The following PLCE1 variants were observed in gnomAD, a reference collection of about 807,000 sequenced individuals.
PLCE1 encodes 1-phosphatidylinositol 4,5-bisphosphate phosphodiesterase epsilon-1.
Under a neutral mutation model 242.8 loss-of-function variants are expected in PLCE1, and 119 were observed. The ratio of observed to expected loss-of-function variants is 0.49; its 90% CI spans 0.42 to 0.57. The LOEUF (loss-of-function observed/expected upper bound fraction) is 0.57, where lower values mean the gene tolerates loss of function less well. Ranked by LOEUF, PLCE1 falls within the 20% of genes least tolerant of loss-of-function variation. The pLI, the probability that PLCE1 is intolerant of heterozygous loss-of-function variation, is 0.00. For synonymous variants in PLCE1, 945 were observed against 1,017.4 expected (o/e 0.93, Z 1.35); for missense variants, 2,441 against 2,788.8 (o/e 0.88, Z 2.81).
chr10:94,236,870 C>T (rs1319289458), intron 7 of PLCE1, among the ~76,000 whole-genome samples: 6 of 152,058 alleles, frequency 3.9e-5, no homozygotes, highest in South Asian at 2.1e-4. Flanking sequence ...CTCTCTCTCT[C>T]GGCATCTATG....
intron 2 of PLCE1, among the ~76,000 whole-genome samples, chr10:94,060,159 C>T (rs117680484): frequency 9.9e-5 from 15 of 151,502 alleles, no homozygotes; most frequent in Non-Finnish European, 2.1e-4. Context: ...TTGCTACATG[C>T]TGGTCTTGGT....
At chr10:94,222,457 T>A (rs892864467) in intron 4 of PLCE1, among the ~76,000 whole-genome samples, 1 of 152,202 alleles carries the variant, frequency 6.6e-6, no homozygotes, top group Non-Finnish European at 1.5e-5. Flanking sequence ...GCATAGCAGA[T>A]CCAGCATCTG....
At chr10:94,271,337 T>C (rs2051726463) in intron 18 of PLCE1, among the ~76,000 whole-genome samples, 1 of 126,640 alleles carries the variant, frequency 7.9e-6, no homozygotes, top group Non-Finnish European at 1.6e-5. Flanking sequence ...TTTTTTGCGA[T>C]GGAGTCTCGC....
intron 2 of PLCE1, among the ~76,000 whole-genome samples, chr10:94,066,819 TATCTC>T (rs903915632): frequency 2.0e-5 from 3 of 152,158 alleles, no homozygotes; most frequent in Non-Finnish European, 4.4e-5. Flanking sequence ...CATGGTTTGT[TATCTC>T]AGCTCCACCA....
intron 4 of PLCE1, among the ~76,000 whole-genome samples, chr10:94,180,232 A>G (rs1355982794): frequency 6.6e-6 from 1 of 152,190 alleles, no homozygotes; most frequent in East Asian, 1.9e-4. Context: ...AATAGGATTC[A>G]GAATTTTTTT....
At chr10:94,002,121 A>T (rs2060942988) in intron 1 of PLCE1, among the ~76,000 whole-genome samples, 1 of 152,094 alleles carries the variant, frequency 6.6e-6, no homozygotes, top group South Asian at 2.1e-4. Flanking sequence ...AAAAAAAAAA[A>T]GCTCAATTAT....
At chr10:94,002,276 C>G (rs894321664) in intron 1 of PLCE1, among the ~76,000 whole-genome samples, 55 of 152,326 alleles carry the variant, frequency 3.6e-4, no homozygotes, top group African/African-American at 1.3e-3. Flanking sequence ...TCCCATGACA[C>G]TCTTGGATAG....
rs554023995 is a variant in PLCE1, at chr10:94,273,621, T to C, written c.4566T>C (p.Asp1522=). Reference sequence around the variant, plus strand: ...TATTTGAGACTGATTTCTCAGATGATCCAATGCTTCCTTCACCTGACCAAC... The same window carrying C: ...TATTTGAGACTGATTTCTCAGATGACCCAATGCTTCCTTCACCTGACCAAC... ...KFLFETDFSD[D]PMLPSPDQLR... Residue 1522 remains aspartate (D), a synonymous_variant, in exon 19 of 33, where the codon GAT becomes GAC. Coordinates refer to ENST00000371380, the MANE Select transcript of PLCE1 (RefSeq NM_016341.4). The C allele has an allele frequency of 1.9e-6, 3 of 1,613,486 alleles. No homozygotes were observed. In the South Asian group the frequency reaches 3.3e-5, roughly 18 times the overall value.
chr10:94,077,425 A>G (rs547680084), intron 2 of PLCE1, among the ~76,000 whole-genome samples: 2 of 152,216 alleles, frequency 1.3e-5, no homozygotes, highest in East Asian at 1.9e-4. Flanking sequence ...ACTGAATTCT[A>G]TAGTGTGAAT....
rs1482194559 is a variant in PLCE1 at position 94,325,014 on chromosome 10, C to A, written c.6843C>A (p.Ile2281=). 6 of 1,614,002 alleles carry A rather than the reference C, an allele frequency of 3.7e-6. No homozygotes were observed. The highest frequency in any genetic ancestry group is 1.1e-5 in the South Asian group (1 of 91,080). Residue 2281 remains isoleucine (I), a synonymous_variant, in exon 32 of 33, where the codon ATC becomes ATA. Coordinates refer to ENST00000371380, the MANE Select transcript of PLCE1 (RefSeq NM_016341.4). ...CTCAGCTCTTGACCTCAGAAAGTAT[C>A]CAAACCAAGGAGGAGAAACCTGTGG... The part of the protein sequence containing the change: ...SPSQLLTSES[I]QTKEEKPVGG...
At chr10:94,282,319 A>C (rs1325736842) in intron 20 of PLCE1, among the ~76,000 whole-genome samples, 4 of 152,052 alleles carry the variant, frequency 2.6e-5, no homozygotes, top group Non-Finnish European at 4.4e-5. Context: ...TATTTATCTG[A>C]GAAATTGTAA....
At chr10:94,282,764 C>T (rs1330985212) in intron 20 of PLCE1, among the ~76,000 whole-genome samples, 1 of 152,120 alleles carries the variant, frequency 6.6e-6, no homozygotes, top group African/African-American at 2.4e-5. Flanking sequence ...CCTTCCTTTA[C>T]CCCTTTCTGA....
At chr10:94,096,172 A>C (rs2045301033) in intron 2 of PLCE1, among the ~76,000 whole-genome samples, 1 of 152,182 alleles carries the variant, frequency 6.6e-6, no homozygotes. Context: ...AAGATTCCAG[A>C]ACCAGGATTT....
At chr10:94,145,548 G>A (rs917218196) in intron 3 of PLCE1, among the ~76,000 whole-genome samples, 4 of 152,110 alleles carry the variant, frequency 2.6e-5, no homozygotes, top group African/African-American at 9.7e-5. Context: ...TGGGAATCTT[G>A]CATTAAAATG....
At chr10:94,167,938 C>T (rs943247816) in intron 3 of PLCE1, among the ~76,000 whole-genome samples, 5 of 152,114 alleles carry the variant, frequency 3.3e-5, no homozygotes, top group Non-Finnish European at 7.4e-5. Context: ...CCGCCAGCCT[C>T]GGCCTCCCAA....
intron 4 of PLCE1, among the ~76,000 whole-genome samples, chr10:94,186,590 A>G (rs1420609917): frequency 1.3e-5 from 2 of 152,356 alleles, no homozygotes; most frequent in South Asian, 2.1e-4. Context: ...GTCAAATCTA[A>G]TAGGAATTAA....
intron 2 of PLCE1, among the ~76,000 whole-genome samples, chr10:94,038,001 G>C (rs2134590012): frequency 6.6e-6 from 1 of 152,224 alleles, no homozygotes; most frequent in Admixed American, 6.5e-5. Context: ...CCCTGAAAAT[G>C]GGCCGTGGTA....
At chr10:94,132,673 G>A (rs575743046) in intron 3 of PLCE1, among the ~76,000 whole-genome samples, 22 of 151,416 alleles carry the variant, frequency 1.5e-4, no homozygotes, top group Non-Finnish European at 2.5e-4. Context: ...TTTTGAGGCC[G>A]GGTGCGGTGG....
intron 4 of PLCE1, among the ~76,000 whole-genome samples, chr10:94,185,561 A>G (rs1423293744): frequency 6.6e-6 from 1 of 152,242 alleles, no homozygotes; most frequent in Admixed American, 6.5e-5. Flanking sequence ...ACCCTGGGCA[A>G]GTGAGTGATT....
Sources: allele counts gnomAD v4.1 joint callset (sites outside exome capture counted in the v4.1 genomes callset), GRCh38; gene constraint gnomAD v4.1.1; transcripts MANE v1.5; gene names NCBI Gene and HGNC (gene_info 2026-07-23, HGNC 2026-07-21).